DGKB: variants seen among roughly 807,000 people sequenced by gnomAD.
DGKB encodes the protein 90 kDa diacylglycerol kinase.
Under a neutral mutation model 114.3 loss-of-function variants are expected in DGKB, and 67 were observed. The observed-to-expected ratio is 0.59, with a 90% CI of 0.48 to 0.72. DGKB has a LOEUF of 0.72. DGKB is among the 30% of genes least tolerant of loss of function. The pLI, the probability that DGKB is intolerant of heterozygous loss-of-function variation, is 0.00. For synonymous variants in DGKB, 398 were observed against 323.1 expected (o/e 1.23, Z -2.49); for missense variants, 907 against 975.2 (o/e 0.93, Z 0.93).
At chr7:14,973,752 A>G (rs917723180) in intron 1 of DGKB, among the ~76,000 whole-genome samples, 2 of 148,952 alleles carry the variant, frequency 1.3e-5, no homozygotes, top group Admixed American at 1.3e-4. Context: ...ATGACGCATA[A>G]CAGTCACATT....
At chr7:14,321,672 G>C (rs1157299800) in intron 23 of DGKB, among the ~76,000 whole-genome samples, 4 of 151,564 alleles carry the variant, frequency 2.6e-5, no homozygotes, top group Non-Finnish European at 1.5e-5. Context: ...ATTTATTGAT[G>C]GCATGATATT....
At chr7:14,863,560 C>T (rs973093450) in intron 1 of DGKB, among the ~76,000 whole-genome samples, 10 of 151,860 alleles carry the variant, frequency 6.6e-5, no homozygotes, top group Admixed American at 5.9e-4. Context: ...TACATACTTA[C>T]AGTGCTACCT....
intron 23 of DGKB, among the ~76,000 whole-genome samples, chr7:14,187,625 G>A (rs1783644033): frequency 6.6e-6 from 1 of 152,140 alleles, no homozygotes; most frequent in African/African-American, 2.4e-5. Context: ...TGAAGAAACT[G>A]CATGAAGACT....
chr7:14,894,630 C>G (rs967141970), intron 1 of DGKB, among the ~76,000 whole-genome samples: 13 of 151,496 alleles, frequency 8.6e-5, no homozygotes, highest in Admixed American at 7.9e-4. Flanking sequence ...TGAAAGTGCT[C>G]TTTCACTTTT....
chr7:14,529,217 T>A (rs1791147074), intron 20 of DGKB, among the ~76,000 whole-genome samples: 1 of 152,016 alleles, frequency 6.6e-6, no homozygotes, highest in African/African-American at 2.4e-5. Flanking sequence ...AGAATTCATT[T>A]GATGTAGGCT....
At chr7:14,303,244 T>C (rs1005861888) in intron 23 of DGKB, among the ~76,000 whole-genome samples, 6 of 152,182 alleles carry the variant, frequency 3.9e-5, no homozygotes, top group Non-Finnish European at 8.8e-5. Context: ...TACAAGTTAT[T>C]TGTAATGCTA....
intron 23 of DGKB, among the ~76,000 whole-genome samples, chr7:14,181,319 T>A (rs1782607368): frequency 6.6e-6 from 1 of 152,198 alleles, no homozygotes; most frequent in South Asian, 2.1e-4. Flanking sequence ...GTCACTTTAG[T>A]ACTGCAGCTA....
chr7:14,161,044 AAC>A (rs747050908), intron 25 of DGKB, among the ~76,000 whole-genome samples: 22 of 152,240 alleles, frequency 1.4e-4, no homozygotes, highest in Non-Finnish European at 2.4e-4. Flanking sequence ...TTATGCAGCC[AAC>A]ACACATATGA....
intron 1 of DGKB, among the ~76,000 whole-genome samples, chr7:14,945,006 G>C (rs921488253): frequency 6.6e-6 from 1 of 151,580 alleles, no homozygotes; most frequent in Non-Finnish European, 1.5e-5. Context: ...GTATGTAACA[G>C]AATGAATTAC....
intron 1 of DGKB, among the ~76,000 whole-genome samples, chr7:14,927,429 C>T (rs1784800934): frequency 6.6e-6 from 1 of 151,912 alleles, no homozygotes; most frequent in South Asian, 2.1e-4. Flanking sequence ...TTATCCTTAT[C>T]TTTTAAAAAA....
At chr7:14,795,946 T>G (rs1463288745) in intron 2 of DGKB, among the ~76,000 whole-genome samples, 1 of 152,168 alleles carries the variant, frequency 6.6e-6, no homozygotes, top group East Asian at 1.9e-4. Context: ...ATGACATGTC[T>G]TAACAGGATC....
intron 20 of DGKB, 141 bp from the exon 21 acceptor site, chr7:14,478,366 G>T: frequency 2.0e-6 from 1 of 508,084 alleles, no homozygotes; most frequent in Non-Finnish European, 3.4e-6. Flanking sequence ...TGTAAAATTA[G>T]GCAAAAATGT....
intron 12 of DGKB, among the ~76,000 whole-genome samples, chr7:14,679,379 T>A (rs1180271238): frequency 1.3e-5 from 2 of 151,996 alleles, no homozygotes; most frequent in African/African-American, 4.8e-5. Context: ...TTTGACACAT[T>A]AGGAAATTTG....
chr7:14,578,347 G>A (rs546042063), intron 19 of DGKB, among the ~76,000 whole-genome samples: 24 of 152,048 alleles, frequency 1.6e-4, no homozygotes, highest in African/African-American at 2.7e-4. Context: ...ACAAGTTATC[G>A]GTTTAGCACG....
At position 14,148,832 on chromosome 7, in the gene DGKB, A is replaced by T; in HGVS notation, c.*299T>A. The T allele has an allele frequency of 2.5e-6, 1 of 395,348 alleles. No homozygotes were observed. Among genetic ancestry groups the T allele is most frequent in the Non-Finnish European group, 4.6e-6 (1 of 218,076 alleles). 24.5% of individuals were successfully genotyped at this position (395,348 alleles called of 1,614,324 possible). On this transcript the variant is annotated 3_prime_UTR_variant, in exon 26 of 26. Transcript: ENST00000402815. ...CACGGGTTTTTCTCACAGGTTAGTA[A>T]AAGGAAATTGGGGAAGAGTTGGGTG...
chr7:14,934,665 T>C (rs1475045383), intron 1 of DGKB, among the ~76,000 whole-genome samples: 1 of 152,162 alleles, frequency 6.6e-6, no homozygotes, highest in Non-Finnish European at 1.5e-5. Context: ...AATAATATTC[T>C]ACCTGACACA....
intron 21 of DGKB, among the ~76,000 whole-genome samples, chr7:14,397,401 T>C (rs1252786253): frequency 1.3e-5 from 2 of 152,138 alleles, no homozygotes; most frequent in African/African-American, 4.8e-5. Flanking sequence ...CCTTTTTCCA[T>C]AGTCCAGTTG....
rs73287789 is a variant in DGKB at position 14,570,505 on chromosome 7, T to C, written c.1770+3707A>G. On this transcript the variant is annotated intron_variant, in intron 20 of 25. Coordinates refer to ENST00000402815, the MANE Select transcript of DGKB (RefSeq NM_001350709.2). ...AAACTTAACAACTAATACTCTACTG[T>C]TGACTGGAAGCCTTACCAATAACAT... Among the ~76,000 whole-genome samples the C allele has an allele frequency of 8.4e-3, 1,280 of 152,252 alleles. 23 individuals are homozygous for C. Among genetic ancestry groups the C allele is most frequent in the African/African-American group, 0.03 (1,227 of 41,538 alleles).
intron 3 of DGKB, among the ~76,000 whole-genome samples, chr7:14,756,500 A>G (rs967149163): frequency 4.6e-5 from 7 of 151,912 alleles, no homozygotes; most frequent in Non-Finnish European, 1.0e-4. Context: ...CCAAATATTA[A>G]TTTTATTTTT....
Sources: gnomAD v4.1 joint callset for allele counts (sites outside exome capture counted in the v4.1 genomes callset) on GRCh38, gnomAD v4.1.1 for gene constraint, MANE v1.5 for transcripts, NCBI Gene and HGNC (gene_info 2026-07-23, HGNC 2026-07-21) for gene names.